DOCK8: variants seen among roughly 807,000 people sequenced by gnomAD.
DOCK8 encodes the protein dedicator of cytokinesis 8, also known as dedicator of cytokinesis protein 8.
A neutral mutation model predicts 245.6 loss-of-function variants in DOCK8; 141 were observed. The observed-to-expected ratio is 0.57, with a 90% CI of 0.50 to 0.66. The LOEUF is 0.66. Ranked by LOEUF, DOCK8 falls within the 30% of genes least tolerant of loss-of-function variation. The pLI is 0.00. For synonymous variants in DOCK8, 1,168 were observed against 970.2 expected, an observed-to-expected ratio of 1.20 and a Z score of -3.79; for missense variants, 2,965 against 2,603.4, an observed-to-expected ratio of 1.14 and a Z score of -3.02.
chr9:367,993 T>C, intron 14 of DOCK8, 25 bp from the exon 15 acceptor site: 2 of 1,571,544 alleles, frequency 1.3e-6, no homozygotes, highest in South Asian at 1.1e-5. Flanking sequence ...CCTTTTTCAT[T>C]GATTCTTTAT....
chr9:431,993 A>G (rs1021503858), intron 36 of DOCK8, among the ~76,000 whole-genome samples, 173 bp from the exon 37 acceptor site: 2 of 152,214 alleles, frequency 1.3e-5, no homozygotes, highest in African/African-American at 4.8e-5. Flanking sequence ...TTAAACAACA[A>G]TATGAATGTT....
chr9:416,709 A>G (rs968797830), intron 29 of DOCK8, among the ~76,000 whole-genome samples: 1 of 152,182 alleles, frequency 6.6e-6, no homozygotes, highest in African/African-American at 2.4e-5. Context: ...GAAAGGCTCA[A>G]CCTTTCCGTG....
intron 4 of DOCK8, among the ~76,000 whole-genome samples, chr9:300,489 A>C (rs2049487625): frequency 6.6e-6 from 1 of 152,146 alleles, no homozygotes; most frequent in South Asian, 2.1e-4. Context: ...AAAACAAATA[A>C]CCAAAATCAG....
At chr9:261,190 T>A (rs643800) in intron 1 of DOCK8, among the ~76,000 whole-genome samples, 33,170 of 152,104 alleles carry the variant, frequency 0.22, 4,423 homozygotes, top group East Asian at 0.39. Flanking sequence ...TATGCTTTTT[T>A]ATACTTTTTA....
chr9:233,616 T>C (rs1465214254), intron 1 of DOCK8, among the ~76,000 whole-genome samples: 3 of 152,162 alleles, frequency 2.0e-5, no homozygotes, highest in African/African-American at 4.8e-5. Context: ...GATAGTTAGC[T>C]CTTCTTGTTG....
At chr9:425,728 G>T (rs775486398) in intron 33 of DOCK8, among the ~76,000 whole-genome samples, 8 of 145,634 alleles carry the variant, frequency 5.5e-5, no homozygotes, top group Middle Eastern at 3.5e-3. Context: ...CTGCACTCTA[G>T]CCTGGGTGAT....
chr9:221,065 A>G (rs906241715), intron 1 of DOCK8, among the ~76,000 whole-genome samples: 2 of 152,190 alleles, frequency 1.3e-5, no homozygotes, highest in African/African-American at 4.8e-5. Context: ...CATTTGCTGT[A>G]TCGACAACAG....
chr9:425,453 A>AC (rs2056452345), intron 33 of DOCK8, among the ~76,000 whole-genome samples: 1 of 149,644 alleles, frequency 6.7e-6, no homozygotes, highest in Admixed American at 6.7e-5. Flanking sequence ...AATGGCGTGA[A>AC]CCCGGGAAGT....
At chr9:403,469 A>G (rs778794408) in intron 26 of DOCK8, among the ~76,000 whole-genome samples, 2 of 152,228 alleles carry the variant, frequency 1.3e-5, no homozygotes, top group Admixed American at 1.3e-4. Context: ...GTTTTAAAAT[A>G]ATATATAATG....
In DOCK8 at chr9:429,695, C is replaced by G. The variant is rs1264283421; in HGVS notation, c.4474-7C>G. 1.2e-6 allele frequency: 2 copies of G among 1,614,076 alleles called. No homozygotes were observed. Among genetic ancestry groups the G allele is most frequent in the Non-Finnish European group, 8.5e-7 (1 of 1,180,036 alleles). ...TGATGCCTAATGGCCCTTTATGTCT[C>G]TCCTAGTTTGGAGACTTACTCTTTG... On this transcript the variant is annotated splice_region_variant and splice_polypyrimidine_tract_variant and intron_variant, in intron 35 of 47. Transcript: ENST00000432829.
intron 14 of DOCK8, among the ~76,000 whole-genome samples, chr9:347,694 A>G (rs1041401673): frequency 1.3e-5 from 2 of 152,202 alleles, no homozygotes; most frequent in Non-Finnish European, 1.5e-5. Flanking sequence ...GGAGACAAAG[A>G]CAAAGTGAAT....
rs752969354 is a variant in DOCK8, at chr9:336,733, T to A, written c.1422+15T>A. On this transcript the variant is annotated intron_variant, in intron 12 of 47. Coordinates refer to ENST00000432829, the MANE Select transcript of DOCK8 (RefSeq NM_203447.4). ...TTTTCAAGCAGGTATCTCTTCACAT[T>A]ACAGTGTGTCTGGATTTTTCCCCAT... is the stretch of plus-strand genomic sequence containing the variant. The A allele has an allele frequency of 6.8e-6, 11 of 1,613,838 alleles. No homozygotes were observed. The South Asian group carries it at 1.2e-4, about 18-fold the overall frequency.
At chr9:355,583 T>A (rs2052398493) in intron 14 of DOCK8, among the ~76,000 whole-genome samples, 1 of 152,092 alleles carries the variant, frequency 6.6e-6, no homozygotes, top group African/African-American at 2.4e-5. Context: ...TGACAGATAC[T>A]CAAAGGTGTG....
At chr9:277,528 GAGACCCTGTCTCA>G (rs1177606940) in intron 2 of DOCK8, among the ~76,000 whole-genome samples, 180 of 148,216 alleles carry the variant, frequency 1.2e-3, no homozygotes, top group African/African-American at 4.1e-3. Flanking sequence ...GAAGAGTTAG[GAGACCCTGTCTCA>G]GAGGAAAGGA....
chr9:434,177 CATA>C (rs1018147790), intron 38 of DOCK8, among the ~76,000 whole-genome samples: 37 of 152,086 alleles, frequency 2.4e-4, no homozygotes, highest in African/African-American at 8.4e-4. Flanking sequence ...TAAAGTGAGG[CATA>C]ATAATGTTAT....
At chr9:249,570 T>C (rs2047598551) in intron 1 of DOCK8, among the ~76,000 whole-genome samples, 2 of 152,222 alleles carry the variant, frequency 1.3e-5, no homozygotes, top group South Asian at 2.1e-4. Context: ...ACTATTACTC[T>C]TAATAGTTTA....
chr9:265,699 G>C (rs1341449611), intron 1 of DOCK8, among the ~76,000 whole-genome samples: 1 of 152,044 alleles, frequency 6.6e-6, no homozygotes, highest in Non-Finnish European at 1.5e-5. Context: ...AATTTTCCTT[G>C]AGGGTCAAAA....
At chr9:244,466 A>C (rs1006118306) in intron 1 of DOCK8, among the ~76,000 whole-genome samples, 1 of 151,888 alleles carries the variant, frequency 6.6e-6, no homozygotes. Flanking sequence ...CGCACAGAGC[A>C]CTCTCTACTG....
At position 289,434 on chromosome 9, in the gene DOCK8, T is replaced by C. The variant is rs2048949233; in HGVS notation, c.333-76T>C. ...ATAAGGATTTAAATTCGTGTCATGT[T>C]CCTTGCTCATGATTAGGGGTTGTTT... On this transcript the variant is annotated intron_variant, in intron 3 of 47. Coordinates refer to ENST00000432829, the MANE Select transcript of DOCK8 (RefSeq NM_203447.4). 3 of 1,157,732 alleles carry C rather than the reference T, an allele frequency of 2.6e-6. No homozygotes were observed. In the South Asian group the frequency reaches 3.7e-5, roughly 14 times the overall value. The allele number at this position is 1,157,732 out of a possible 1,614,324, so 71.7% of individuals were successfully genotyped here. A position where few individuals can be genotyped will look rare whatever the true frequency, so the allele number is the denominator to read the frequency against.
Sources: allele counts gnomAD v4.1 joint callset (sites outside exome capture counted in the v4.1 genomes callset), GRCh38; gene constraint gnomAD v4.1.1; transcripts MANE v1.5; gene names NCBI Gene and HGNC (gene_info 2026-07-23, HGNC 2026-07-21).